Variants in TSPOAP1 observed in about 807,000 individuals in gnomAD.
The protein encoded by TSPOAP1 is peripheral-type benzodiazepine receptor-associated protein 1.
In TSPOAP1, 87 loss-of-function variants were observed where a neutral mutation model predicts 197.0. That is an observed-to-expected ratio of 0.44 (90% CI 0.37 to 0.53). The LOEUF (loss-of-function observed/expected upper bound fraction) is 0.53, where lower values mean the gene tolerates loss of function less well. Ranked by LOEUF, TSPOAP1 falls within the 20% of genes least tolerant of loss-of-function variation. The pLI is 0.00. For missense variants in TSPOAP1, 2,174 were observed against 2,411.3 expected (o/e 0.90, Z 2.06); for synonymous variants, 913 against 998.9 (o/e 0.91, Z 1.62).
At chr17:58,320,794 C>T (rs1331805974) in intron 10 of TSPOAP1, among the ~76,000 whole-genome samples, 1 of 152,114 alleles carries the variant, frequency 6.6e-6, no homozygotes, top group South Asian at 2.1e-4. Context: ...ATACCTTAGA[C>T]CAGAAGGCAA....
At position 58,327,606 on chromosome 17, in the gene TSPOAP1, T is replaced by C. The variant is rs141390831; in HGVS notation, c.315A>G (p.Glu105=). 1.2e-6 allele frequency: 2 copies of C among 1,612,208 alleles called. No individual in the cohort carries two copies. Among genetic ancestry groups the C allele is most frequent in the African/African-American group, 2.7e-5 (2 of 74,888 alleles). The change falls in exon 1 of 32, where the codon GAA becomes GAG. Residue 105 remains glutamate, a synonymous_variant. Coordinates refer to ENST00000343736, the MANE Select transcript of TSPOAP1 (RefSeq NM_004758.4). ...GPACQRPEDE[E]VEAFLKAKLN... is the part of the protein sequence containing the mutation. Reference sequence around the variant, plus strand: ...CCCTTACCTTCAGGAAAGCCTCCACTTCCTCATCCTCTGGCCTCTGGCAGG... The same window carrying C: ...CCCTTACCTTCAGGAAAGCCTCCACCTCCTCATCCTCTGGCCTCTGGCAGG...
At position 58,311,046 on chromosome 17, in the gene TSPOAP1, C is replaced by G; in HGVS notation, c.3249G>C (p.Leu1083=). ...GTGAGGGGCAGGAGACTCGGGCTGGCAGGCTGGCCGGAGCCAGGGCGGGAG... is the reference window on the plus strand; with the variant it reads ...GTGAGGGGCAGGAGACTCGGGCTGGGAGGCTGGCCGGAGCCAGGGCGGGAG... The part of the protein sequence containing the change: ...PITPALAPAS[L]PARVSCPSPH... Residue 1083 remains leucine (L), a synonymous_variant, in exon 19 of 32, where the codon CTG becomes CTC. Coordinates refer to ENST00000343736, the MANE Select transcript of TSPOAP1 (RefSeq NM_004758.4). 6.3e-7 allele frequency: 1 copy of G among 1,583,064 alleles called. No homozygotes were observed. Among genetic ancestry groups the G allele is most frequent in the Non-Finnish European group, 8.6e-7 (1 of 1,164,756 alleles).
chr17:58,326,671 T>G lies in TSPOAP1; in HGVS notation c.441+12A>C, dbSNP rs1475194972. On this transcript the variant is annotated intron_variant, in intron 2 of 31. Transcript: ENST00000343736. The surrounding 1 kb of genome is among the most constrained non-coding windows in gnomAD (Gnocchi z 4.7). The stretch of plus-strand genomic sequence containing the variant: ...CCAGCCAGAACGCAGCACCCCAGTC[T>G]CCAAGCCTCACCAGCATCTGGTTTT... 9 of 1,613,408 alleles carry G rather than the reference T, an allele frequency of 5.6e-6. No homozygotes were observed. The highest frequency in any genetic ancestry group is 7.6e-6 in the Non-Finnish European group (9 of 1,179,660).
At position 58,306,407 on chromosome 17, in the gene TSPOAP1, C is replaced by T. The variant is rs1364929008; in HGVS notation, c.5159G>A (p.Gly1720Asp). 1 of 1,555,046 alleles carries T rather than the reference C, an allele frequency of 6.4e-7. No homozygotes were observed. The highest frequency in any genetic ancestry group is 1.9e-5 in the Admixed American group (1 of 51,560). ...PDILLEGSGN[G>D]PFVYSTAHTT... ...GTGGGCTGTGGAGTACACAAACGGA[C>T]CATTCCCTGATCCAGAAAAGCAGAG... is the stretch of plus-strand genomic sequence containing the variant. Residue 1720 changes from glycine (G) to aspartate (D), a missense_variant, in exon 26 of 32, where the codon GGT (glycine) becomes GAT (aspartate). By Grantham distance (94) the Gly-to-Asp change is moderately conservative. Transcript: ENST00000343736.
intron 30 of TSPOAP1, 35 bp downstream of exon 30, chr17:58,305,026 G>A: frequency 1.3e-6 from 2 of 1,532,642 alleles, no homozygotes; most frequent in Non-Finnish European, 1.8e-6. Flanking sequence ...AGGGTAGACT[G>A]CCCTGCCAAG....
Position 58,312,711 on chromosome 17 carries a change from C to T in TSPOAP1, c.2110G>A (p.Asp704Asn). ...EDGFFEGELM[D>N]GRRGLVPSNF... is the part of the protein sequence containing the mutation. ...GAAGGGACCAGGCCCCTTCGGCCATCCATGAGCTCTCCTGGCAGGAGGAGG... is the reference window on the plus strand; with the variant it reads ...GAAGGGACCAGGCCCCTTCGGCCATTCATGAGCTCTCCTGGCAGGAGGAGG... Residue 704 changes from aspartate to asparagine, a missense_variant, in exon 17 of 32, where the codon GAT becomes AAT. This residue lies in a region of TSPOAP1 where 1,933 missense variants were observed against 2,139.0 expected (regional missense o/e 0.90). Transcript: ENST00000343736. 6.2e-7 allele frequency: 1 copy of T among 1,612,968 alleles called. No homozygotes were observed. The highest frequency in any genetic ancestry group is 8.5e-7 in the Non-Finnish European group (1 of 1,179,808).
intron 27 of TSPOAP1, 75 bp from the exon 28 acceptor site, chr17:58,305,718 C>G (rs893801757): frequency 6.9e-7 from 1 of 1,448,602 alleles, no homozygotes; most frequent in South Asian, 1.2e-5. Context: ...GCCCCGGACC[C>G]CTGCTGACCC....
In TSPOAP1 at chr17:58,319,781, G is replaced by C. The variant is rs142697348; in HGVS notation, c.1494+328C>G. 1.0e-3 allele frequency among the ~76,000 whole-genome samples: 152 copies of C among 152,364 alleles called. 3 individuals carry two copies. The East Asian group carries it at 0.017, about 17-fold the overall frequency. The stretch of plus-strand genomic sequence containing the variant: ...ATGGGAATGGGCCAATGCCCGGGAA[G>C]TTTTCTCAGGTCTGAGGAGAGTCCC... On this transcript the variant is annotated intron_variant, in intron 12 of 31. Transcript: ENST00000343736.
Position 58,319,252 on chromosome 17 carries a change from C to G in TSPOAP1, c.1537G>C (p.Glu513Gln). Residue 513 changes from glutamate to glutamine, a missense_variant, in exon 13 of 32, where the codon GAG (glutamate) becomes CAG (glutamine). Transcript: ENST00000343736. ...TCCTGTGCCAGGAGGCTGAACTGCTCGGTTTGGCTGCGGCACTGTTCTTCG... is the reference window on the plus strand; with the variant it reads ...TCCTGTGCCAGGAGGCTGAACTGCTGGGTTTGGCTGCGGCACTGTTCTTCG... ...ELEEQCRSQT[E>Q]QFSLLAQELQ... The G allele has an allele frequency of 6.3e-7, 1 of 1,598,188 alleles. No individual in the cohort carries two copies. Among genetic ancestry groups the G allele is most frequent in the Non-Finnish European group, 8.5e-7 (1 of 1,172,590 alleles).
Position 58,309,966 on chromosome 17 carries a change from C to A in TSPOAP1, c.3891+1G>T. On this transcript the variant is annotated splice_donor_variant, in intron 21 of 31. Transcript: ENST00000343736. LOFTEE classifies it high-confidence loss of function. This position sits in a 1 kb window ranked among gnomAD's most constrained non-coding sequence, Gnocchi z 5.0. Reference sequence around the variant, plus strand: ...CCAACAGCCCATCCCTACCCCGTTACCTTGGCCCCATTCTCCCTGATGCTG... The same window carrying A: ...CCAACAGCCCATCCCTACCCCGTTAACTTGGCCCCATTCTCCCTGATGCTG... 1 of 1,609,808 alleles carries A rather than the reference C, an allele frequency of 6.2e-7. No homozygotes were observed. Among genetic ancestry groups the A allele is most frequent in the Non-Finnish European group, 8.5e-7 (1 of 1,177,710 alleles).
intron 25 of TSPOAP1, 110 bp from the exon 26 acceptor site, chr17:58,306,523 A>AG: frequency 9.0e-7 from 1 of 1,110,308 alleles, no homozygotes; most frequent in South Asian, 1.6e-5. Flanking sequence ...TTGTTTCGTA[A>AG]GGGCATTCAT....
chr17:58,324,831 C>A lies in TSPOAP1; in HGVS notation c.922G>T (p.Ala308Ser). The A allele has an allele frequency of 6.8e-7, 1 of 1,475,238 alleles. No homozygotes were observed. Among genetic ancestry groups the A allele is most frequent in the South Asian group, 1.3e-5 (1 of 77,974 alleles). The allele number at this position is 1,475,238 out of a possible 1,614,324, so 91.4% of individuals were successfully genotyped here. ...CTCACCTCTCCCGGGGCCCCGGGAG[C>A]AGGCGCCCCTGCTCTGGCCTGGAGA... ...PALQARAGAPAPGAPGEATPQ... is the reference protein window; with the variant it reads ...PALQARAGAPSPGAPGEATPQ... Residue 308 changes from alanine (A) to serine (S), a missense_variant, in exon 5 of 32, where the codon GCT becomes TCT. This residue lies in a region of TSPOAP1 where 1,933 missense variants were observed against 2,139.0 expected (regional missense o/e 0.90). Coordinates refer to ENST00000343736, the MANE Select transcript of TSPOAP1 (RefSeq NM_004758.4). This position sits in a 1 kb window ranked among gnomAD's most constrained non-coding sequence, Gnocchi z 5.8.
At chr17:58,305,487 C>T (rs1970855017) in intron 28 of TSPOAP1, 29 bp from the exon 29 acceptor site, 1 of 1,613,306 alleles carries the variant, frequency 6.2e-7, no homozygotes. Context: ...GGGCATCAGG[C>T]CCAGGAAGGC....
At chr17:58,307,815 C>T (rs1384604203) in intron 23 of TSPOAP1, 27 bp downstream of exon 23, 2 of 1,613,724 alleles carry the variant, frequency 1.2e-6, no homozygotes, top group South Asian at 2.2e-5. Context: ...CCGAGCAGCT[C>T]TAGCTCCAGC....
At chr17:58,312,810 C>T in intron 16 of TSPOAP1, 88 bp from the exon 17 acceptor site, 1 of 978,636 alleles carries the variant, frequency 1.0e-6, no homozygotes, top group Non-Finnish European at 1.5e-6. Flanking sequence ...ATTTTAGCAA[C>T]TGCTAGTGGG....
chr17:58,309,474 A>G lies in TSPOAP1; in HGVS notation c.3892-94T>C. The stretch of plus-strand genomic sequence containing the variant: ...AGCTGCGATCTTTGCCCTCAAACGA[A>G]GGCAGGGGTTACGGACAACCCCACA... On this transcript the variant is annotated intron_variant, in intron 21 of 31. Transcript: ENST00000343736. The surrounding 1 kb of genome is among the most constrained non-coding windows in gnomAD (Gnocchi z 5.0). The G allele has an allele frequency of 6.8e-7, 1 of 1,479,220 alleles. No homozygotes were observed. The highest frequency in any genetic ancestry group is 9.0e-7 in the Non-Finnish European group (1 of 1,110,274). 91.6% of individuals were successfully genotyped at this position (1,479,220 alleles called of 1,614,324 possible).
Position 58,322,020 on chromosome 17 carries a change from G to C in TSPOAP1, c.1422+288C>G. The C allele has an allele frequency of 2.5e-6, 1 of 407,444 alleles. No homozygotes were observed. Among genetic ancestry groups the C allele is most frequent in the Non-Finnish European group, 4.4e-6 (1 of 226,658 alleles). The allele number at this position is 407,444 out of a possible 1,614,324, so 25.2% of individuals were successfully genotyped here. ...CACCTCCTGGCTGGCAAGGTCAATT[G>C]TCACCTCCTCAGGGAGGCCTTCCCT... is the stretch of plus-strand genomic sequence containing the variant. On this transcript the variant is annotated intron_variant, in intron 10 of 31. Coordinates refer to ENST00000343736, the MANE Select transcript of TSPOAP1 (RefSeq NM_004758.4). The surrounding 1 kb of genome is among the most constrained non-coding windows in gnomAD (Gnocchi z 5.0).
chr17:58,304,160 CAGGGAGGGGG>C lies in TSPOAP1; in HGVS notation c.*32+168_*32+177del. 1 of 578,958 alleles carries C rather than the reference CAGGGAGGGGG, an allele frequency of 1.7e-6. No homozygotes were observed. The highest frequency in any genetic ancestry group is 3.1e-6 in the Non-Finnish European group (1 of 321,264). The allele number at this position is 578,958 out of a possible 1,614,324, so 35.9% of individuals were successfully genotyped here. On this transcript the variant is annotated intron_variant, in intron 31 of 31. Transcript: ENST00000343736. This position sits in a 1 kb window ranked among gnomAD's most constrained non-coding sequence, Gnocchi z 4.2. ...CTGGGTAAAGGCAAGGCAAGGGGAG[CAGGGAGGGGG>C]AGGGATGACTCTTCATGCAAATCTG...
Position 58,320,547 on chromosome 17 carries a change from G to T in TSPOAP1, c.1457C>A (p.Ala486Asp). The change falls in exon 11 of 32, where the codon GCC (alanine) becomes GAC (aspartate). Residue 486 changes from alanine to aspartate, a missense_variant. Physicochemically the swap from Ala to Asp is moderately radical, Grantham distance 126. Around this residue, in one of 5 missense-constraint regions of TSPOAP1, gnomAD observed 1,933 missense variants for 2,139.0 expected, o/e 0.90. Coordinates refer to ENST00000343736, the MANE Select transcript of TSPOAP1 (RefSeq NM_004758.4). Reference protein sequence around the residue: ...QAEAQREHEGAVQLLESTLDS... With the variant: ...QAEAQREHEGDVQLLESTLDS... ...GCGCCCTACCTCCAGCAGCTGCACGGCTCCTTCATGTTCCCTCTGGGCTTC... is the reference window on the plus strand; with the variant it reads ...GCGCCCTACCTCCAGCAGCTGCACGTCTCCTTCATGTTCCCTCTGGGCTTC... 1 of 1,500,668 alleles carries T rather than the reference G, an allele frequency of 6.7e-7. No homozygotes were observed. Among genetic ancestry groups the T allele is most frequent in the African/African-American group, 1.4e-5 (1 of 70,970 alleles). The allele number at this position is 1,500,668 out of a possible 1,614,324, so 93.0% of individuals were successfully genotyped here.
Sources: allele counts gnomAD v4.1 joint callset (sites outside exome capture counted in the v4.1 genomes callset), GRCh38; gene constraint gnomAD v4.1.1; regional missense constraint gnomAD v4.1.1; non-coding constraint Gnocchi (gnomAD v3.1); transcripts MANE v1.5; gene names NCBI Gene and HGNC (gene_info 2026-07-23, HGNC 2026-07-21).